PPP4R4: variants seen among roughly 807,000 people sequenced by gnomAD.
The protein encoded by PPP4R4 is protein phosphatase 4 regulatory subunit 4, also known as serine/threonine-protein phosphatase 4 regulatory subunit 4.
Under a neutral mutation model 121.8 loss-of-function variants are expected in PPP4R4, and 70 were observed. The observed-to-expected ratio is 0.57, with a 90% confidence interval of 0.47 to 0.70. PPP4R4 has a LOEUF of 0.70. Among genes scored for constraint, PPP4R4 ranks in the 30% least tolerant of loss-of-function variants. The pLI, the probability that PPP4R4 is intolerant of heterozygous loss-of-function variation, is 0.00. For synonymous variants in PPP4R4, 348 were observed against 355.7 expected (o/e 0.98, Z 0.24); for missense variants, 875 against 1,033.6 (o/e 0.85, Z 2.10).
intron 3 of PPP4R4, among the ~76,000 whole-genome samples, chr14:94,226,467 C>T (rs1235367765): frequency 6.6e-6 from 1 of 151,946 alleles, no homozygotes; most frequent in Admixed American, 6.6e-5. Flanking sequence ...GTCCTTTACA[C>T]CCTTTATTTT....
chr14:94,244,604 A>T, intron 11 of PPP4R4, 31 bp from the exon 12 acceptor site: 1 of 1,440,606 alleles, frequency 6.9e-7, no homozygotes. Flanking sequence ...TAGTACTCTC[A>T]AATCTGAGAG....
chr14:94,239,196 C>CTTTTTT (rs370068876), intron 8 of PPP4R4, among the ~76,000 whole-genome samples: 1 of 145,318 alleles, frequency 6.9e-6, no homozygotes, highest in African/African-American at 2.5e-5. Flanking sequence ...CCTTCTGCTT[C>CTTTTTT]TTTTTTTTTT....
intron 15 of PPP4R4, among the ~76,000 whole-genome samples, chr14:94,250,620 A>T (rs1251771446): frequency 6.6e-6 from 1 of 151,996 alleles, no homozygotes; most frequent in African/African-American, 2.4e-5. Flanking sequence ...CTATTTCAAT[A>T]TTCACATAAT....
intron 2 of PPP4R4, among the ~76,000 whole-genome samples, chr14:94,208,191 C>T (rs975243879): frequency 6.6e-6 from 1 of 151,902 alleles, no homozygotes; most frequent in African/African-American, 2.4e-5. Flanking sequence ...AGTCTCGAAA[C>T]TTTTAGACTT....
At position 94,233,324 on chromosome 14, in the gene PPP4R4, A is replaced by G. The variant is rs1892155259; in HGVS notation, c.517-329A>G. Among the ~76,000 whole-genome samples, 3 of 152,234 alleles carry G rather than the reference A, an allele frequency of 2.0e-5. 1 individual carries two copies. The highest frequency in any genetic ancestry group is 2.0e-4 in the Admixed American group (3 of 15,288). On this transcript the variant is annotated intron_variant, in intron 5 of 24. Transcript: ENST00000304338. ...CTATATGGAATAAAAATACATTTCAAGGTATTTAGTCATTATTTGCTCTTT... is the reference window on the plus strand; with the variant it reads ...CTATATGGAATAAAAATACATTTCAGGGTATTTAGTCATTATTTGCTCTTT...
At chr14:94,213,048 G>T (rs1890826769) in intron 3 of PPP4R4, among the ~76,000 whole-genome samples, 1 of 152,096 alleles carries the variant, frequency 6.6e-6, no homozygotes, top group Non-Finnish European at 1.5e-5. Context: ...TATGTGTCAG[G>T]CACTGTATTC....
At chr14:94,254,691 A>T (rs910688552) in intron 16 of PPP4R4, among the ~76,000 whole-genome samples, 1 of 152,244 alleles carries the variant, frequency 6.6e-6, no homozygotes, top group Non-Finnish European at 1.5e-5. Context: ...GAGCATTCAG[A>T]TGAATAAATG....
At chr14:94,270,929 C>T (rs7155943) in intron 23 of PPP4R4, among the ~76,000 whole-genome samples, 11 of 144,854 alleles carry the variant, frequency 7.6e-5, no homozygotes, top group African/African-American at 2.6e-4. Context: ...AAAAAAAAAA[C>T]AACAACAACA....
intron 2 of PPP4R4, among the ~76,000 whole-genome samples, chr14:94,177,173 T>C (rs1888722521): frequency 6.6e-6 from 1 of 152,222 alleles, no homozygotes; most frequent in South Asian, 2.1e-4. Context: ...TTAGTCAGAA[T>C]ATCAGCATAT....
intron 21 of PPP4R4, 51 bp from the exon 22 acceptor site, chr14:94,265,743 C>A: frequency 7.6e-7 from 1 of 1,314,932 alleles, no homozygotes; most frequent in Non-Finnish European, 1.1e-6. Context: ...GGGGTTGGAG[C>A]AGCCGAGGAT....
intron 3 of PPP4R4, among the ~76,000 whole-genome samples, chr14:94,216,993 A>T (rs989915996): frequency 1.3e-5 from 2 of 152,182 alleles, no homozygotes; most frequent in Non-Finnish European, 2.9e-5. Context: ...ACCCTGGCAA[A>T]GGTCCCCCTC....
chr14:94,196,866 G>A (rs145847676), intron 2 of PPP4R4, among the ~76,000 whole-genome samples: 48 of 152,058 alleles, frequency 3.2e-4, no homozygotes, highest in South Asian at 1.9e-3. Flanking sequence ...TGTAGTTTGC[G>A]TATGTCTTTC....
chr14:94,185,395 T>C (rs149794080), intron 2 of PPP4R4, among the ~76,000 whole-genome samples: 1 of 152,214 alleles, frequency 6.6e-6, no homozygotes, highest in African/African-American at 2.4e-5. Context: ...GTTTTTTGGC[T>C]ACCTGGGAGG....
At chr14:94,255,472 G>A (rs1378050994) in intron 16 of PPP4R4, among the ~76,000 whole-genome samples, 8 of 152,012 alleles carry the variant, frequency 5.3e-5, no homozygotes, top group Non-Finnish European at 1.0e-4. Context: ...ATGGTGGCGG[G>A]CACCTGTAGT....
At chr14:94,187,798 C>A (rs866707868) in intron 2 of PPP4R4, among the ~76,000 whole-genome samples, 4 of 152,098 alleles carry the variant, frequency 2.6e-5, no homozygotes, top group African/African-American at 9.7e-5. Context: ...GACTGTCCCT[C>A]AAGTTGGGTT....
chr14:94,231,561 T>C (rs117208338), intron 5 of PPP4R4, among the ~76,000 whole-genome samples: 18,165 of 152,204 alleles, frequency 0.12, 1,490 homozygotes, highest in Non-Finnish European at 0.17. Flanking sequence ...CTATATATGG[T>C]TGCTGCTTGG....
At chr14:94,208,591 G>A (rs1333158767) in intron 3 of PPP4R4, 25 bp downstream of exon 3, 8 of 1,558,966 alleles carry the variant, frequency 5.1e-6, no homozygotes, top group Non-Finnish European at 7.1e-6. Flanking sequence ...AATAAGATTG[G>A]AGTTTCCCAT....
intron 5 of PPP4R4, among the ~76,000 whole-genome samples, chr14:94,232,270 T>C (rs1892078917): frequency 6.6e-6 from 1 of 152,188 alleles, no homozygotes; most frequent in Non-Finnish European, 1.5e-5. Context: ...TATGTCATGA[T>C]TGAAAAAAAG....
At chr14:94,202,788 C>A (rs748479366) in intron 2 of PPP4R4, among the ~76,000 whole-genome samples, 18 of 151,826 alleles carry the variant, frequency 1.2e-4, no homozygotes, top group African/African-American at 4.4e-4. Flanking sequence ...ACCATCCTGG[C>A]CAACATGGTG....
Sources: allele counts gnomAD v4.1 joint callset (sites outside exome capture counted in the v4.1 genomes callset), GRCh38; gene constraint gnomAD v4.1.1; transcripts MANE v1.5; gene names NCBI Gene and HGNC (gene_info 2026-07-23, HGNC 2026-07-21).